PCDHGB5: variants seen among roughly 807,000 people sequenced by gnomAD.
PCDHGB5 encodes protocadherin gamma subfamily B, 5.
In PCDHGB5, 48 loss-of-function variants were observed where a neutral mutation model predicts 62.9. The observed-to-expected ratio is 0.76, with a 90% CI of 0.61 to 0.97. The LOEUF (loss-of-function observed/expected upper bound fraction) is 0.97, where lower values mean the gene tolerates loss of function less well. Among genes scored for constraint, PCDHGB5 ranks in the 50% least tolerant of loss-of-function variants. The probability of loss-of-function intolerance (pLI) is 0.00; values close to 1 mark genes in which losing one functional copy is unlikely to be tolerated. For synonymous variants in PCDHGB5, 474 were observed against 511.2 expected (o/e 0.93, Z 0.98); for missense variants, 1,118 against 1,198.6 (o/e 0.93, Z 0.99).
intron 1 of PCDHGB5, chr5:141,422,641 A>G (rs557969590): frequency 1.2e-6 from 2 of 1,612,356 alleles, no homozygotes; most frequent in Admixed American, 1.7e-5. Context: ...GGGTGCCTCC[A>G]TCTTCTCAGT....
Position 141,410,300 on chromosome 5 carries a change from T to A in PCDHGB5, c.2397+9776T>A, listed in dbSNP as rs1233506038. 4 of 1,614,022 alleles carry A rather than the reference T, an allele frequency of 2.5e-6. No individual in the cohort carries two copies. In the Admixed American group the frequency reaches 6.7e-5, roughly 27 times the overall value. ...CCTGGTGGTGGCCTTGGCCTTAATC[T>A]CAGTGCTCTTCCTCCTCGCCGTGAT... On this transcript the variant is annotated intron_variant, in intron 1 of 3. Coordinates refer to ENST00000617380, the MANE Select transcript of PCDHGB5 (RefSeq NM_018925.3).
chr5:141,416,817 C>T (rs1197915095), intron 1 of PCDHGB5: 1 of 151,958 alleles, frequency 6.6e-6, no homozygotes, highest in Non-Finnish European at 1.5e-5. Flanking sequence ...AAAAAGCATT[C>T]CGAAGTTTCT....
At position 141,398,661 on chromosome 5, in the gene PCDHGB5, C is replaced by A; in HGVS notation, c.534C>A (p.Phe178Leu). The change falls in exon 1 of 4, where the codon TTC becomes TTA. Residue 178 changes from phenylalanine to leucine, a missense_variant. By Grantham distance (22) the Phe-to-Leu change is conservative. This residue lies in a region of PCDHGB5 where 1,034 missense variants were observed against 1,029.1 expected (regional missense o/e 1.00). Transcript: ENST00000617380. Reference sequence around the variant, plus strand: ...ATAAACTCTCTCTTAACCCAAGTTTCTCATTAATAATTAAGGAGAAACAGG... The same window carrying A: ...ATAAACTCTCTCTTAACCCAAGTTTATCATTAATAATTAAGGAGAAACAGG... ...QKYKLSLNPS[F>L]SLIIKEKQDG... is the part of the protein sequence containing the mutation. 6.2e-7 allele frequency: 1 copy of A among 1,614,018 alleles called. No homozygotes were observed. The highest frequency in any genetic ancestry group is 8.5e-7 in the Non-Finnish European group (1 of 1,179,906).
At position 141,431,612 on chromosome 5, in the gene PCDHGB5, G is replaced by A. The variant is rs79883194; in HGVS notation, c.2397+31088G>A. 1.9e-6 allele frequency: 3 copies of A among 1,614,126 alleles called. No homozygotes were observed. The highest frequency in any genetic ancestry group is 2.5e-6 in the Non-Finnish European group (3 of 1,180,052). ...AGTGAGGTATTCCTTCCGGTATGTG[G>A]ACGACAAGGCGGCCCAAGTTTTCAA... On this transcript the variant is annotated intron_variant, in intron 1 of 3. Coordinates refer to ENST00000617380, the MANE Select transcript of PCDHGB5 (RefSeq NM_018925.3). This position sits in a 1 kb window ranked among gnomAD's most constrained non-coding sequence, Gnocchi z 4.8.
At chr5:141,405,062 T>C in intron 1 of PCDHGB5, 1 of 1,613,918 alleles carries the variant, frequency 6.2e-7, no homozygotes, top group Non-Finnish European at 8.5e-7. Flanking sequence ...CTCCTGTGTC[T>C]TCCTCACCTT....
intron 1 of PCDHGB5, chr5:141,408,896 GT>G: frequency 6.2e-7 from 1 of 1,613,328 alleles, no homozygotes; most frequent in Non-Finnish European, 8.5e-7. Context: ...AGAAATTTCT[GT>G]CAAGGATACC....
intron 2 of PCDHGB5, among the ~76,000 whole-genome samples, chr5:141,504,968 C>A (rs1377016827): frequency 1.3e-5 from 2 of 152,206 alleles, no homozygotes; most frequent in East Asian, 3.9e-4. Context: ...ATTGGACCAG[C>A]CTGGCCAACA....
chr5:141,440,918 A>C (rs2154559108), intron 1 of PCDHGB5: 1 of 152,384 alleles, frequency 6.6e-6, no homozygotes, highest in Admixed American at 6.5e-5. Context: ...TCCTGTGCTG[A>C]GAGTGAGGGC....
In PCDHGB5 at chr5:141,477,028, G is replaced by A. The variant is rs1015508317; in HGVS notation, c.2398-17779G>A. On this transcript the variant is annotated intron_variant, in intron 1 of 3. Coordinates refer to ENST00000617380, the MANE Select transcript of PCDHGB5 (RefSeq NM_018925.3). The surrounding 1 kb of genome is among the most constrained non-coding windows in gnomAD (Gnocchi z 4.9). ...CCTTAGACCTTGTAACCGGGATGCT[G>A]ACAATCAAGGGTCGGCTGGACTTCG... The A allele has an allele frequency of 2.5e-6, 4 of 1,614,146 alleles. No homozygotes were observed. The highest frequency in any genetic ancestry group is 1.7e-5 in the Admixed American group (1 of 60,018).
intron 1 of PCDHGB5, chr5:141,440,759 C>T (rs1160288117): frequency 1.3e-5 from 2 of 152,158 alleles, no homozygotes; most frequent in Admixed American, 6.6e-5. Flanking sequence ...AAGCAGAGCT[C>T]CCATCCCTTA....
rs2094016313 is a variant in PCDHGB5 at position 141,400,404 on chromosome 5, GT to G, written c.2280del (p.Phe760LeufsTer4). On this transcript the variant is annotated frameshift_variant, in exon 1 of 4. Transcript: ENST00000617380. LOFTEE classifies it high-confidence loss of function. ...LCVAHTGKTE[F>X]NFLKCSEQLS... is the part of the protein sequence containing the mutation. ...GTGTTGCACATACAGGAAAGACGGA[GT>G]TTAATTTCCTAAAATGTAGTGAGCA... 1 of 1,613,948 alleles carries G rather than the reference GT, an allele frequency of 6.2e-7. No individual in the cohort carries two copies. The highest frequency in any genetic ancestry group is 1.1e-5 in the South Asian group (1 of 91,084).
chr5:141,410,766 AG>A, intron 1 of PCDHGB5: 1 of 1,032,268 alleles, frequency 9.7e-7, no homozygotes, highest in Non-Finnish European at 1.3e-6. Context: ...TTTCAATTAT[AG>A]TTTTCACTAT....
At chr5:141,458,413 G>A (rs138479316) in intron 1 of PCDHGB5, among the ~76,000 whole-genome samples, 1 of 152,196 alleles carries the variant, frequency 6.6e-6, no homozygotes, top group East Asian at 1.9e-4. Context: ...CGGAGCGGGG[G>A]TTCCAAAGCT....
intron 1 of PCDHGB5, among the ~76,000 whole-genome samples, chr5:141,402,701 G>T (rs1561683907): frequency 1.3e-5 from 2 of 152,178 alleles, no homozygotes; most frequent in African/African-American, 2.4e-5. Context: ...ACATCAGTGG[G>T]TGTAGTAACG....
At chr5:141,456,918 G>C (rs535602842) in intron 1 of PCDHGB5, among the ~76,000 whole-genome samples, 49 of 152,124 alleles carry the variant, frequency 3.2e-4, no homozygotes, top group African/African-American at 1.2e-3. Context: ...AGCCGAGATC[G>C]CACCACTGCA....
At chr5:141,405,018 T>C (rs1413977666) in intron 1 of PCDHGB5, 5 of 1,613,834 alleles carry the variant, frequency 3.1e-6, no homozygotes, top group African/African-American at 2.7e-5. Context: ...GCCTCAGACC[T>C]TACCCTCTAC....
chr5:141,484,994 G>A (rs1257915410), intron 1 of PCDHGB5: 4 of 610,330 alleles, frequency 6.6e-6, no homozygotes, highest in Non-Finnish European at 1.2e-5. Context: ...GGTGGTGAAA[G>A]GCAGACAAAT....
intron 1 of PCDHGB5, chr5:141,413,729 GAGTTC>G: frequency 6.2e-7 from 1 of 1,613,496 alleles, no homozygotes; most frequent in Non-Finnish European, 8.5e-7. Flanking sequence ...TTCTCCCTAA[GAGTTC>G]AGAGCCGTGC....
At chr5:141,504,990 C>T (rs1056476591) in intron 2 of PCDHGB5, among the ~76,000 whole-genome samples, 3 of 151,976 alleles carry the variant, frequency 2.0e-5, no homozygotes, top group Non-Finnish European at 2.9e-5. Context: ...GGTGAAACCC[C>T]GTCTGTACTA....
Sources: allele counts gnomAD v4.1 joint callset (sites outside exome capture counted in the v4.1 genomes callset), GRCh38; gene constraint gnomAD v4.1.1; regional missense constraint gnomAD v4.1.1; non-coding constraint Gnocchi (gnomAD v3.1); transcripts MANE v1.5; gene names NCBI Gene and HGNC (gene_info 2026-07-23, HGNC 2026-07-21).